Variants in LENG1 observed in about 807,000 individuals in gnomAD.
LENG1 encodes the protein leukocyte receptor cluster (LRC) member 1.
LENG1 carries 35 observed loss-of-function variants against 28.8 expected under a neutral mutation model. That is an observed-to-expected ratio of 1.22 (90% confidence interval 0.93 to 1.61). The LOEUF (loss-of-function observed/expected upper bound fraction) is 1.61, where lower values mean the gene tolerates loss of function less well. LENG1 is among the 40% of genes most tolerant of loss of function. The pLI is 0.00. For missense variants in LENG1, 404 were observed against 348.9 expected, an observed-to-expected ratio of 1.16 and a Z score of -1.26; for synonymous variants, 170 against 140.6, an observed-to-expected ratio of 1.21 and a Z score of -1.48.
At chr19:54,159,529 C>A (rs528732754) in intron 1 of LENG1, 35 bp downstream of exon 1, 2 of 1,504,516 alleles carry the variant, frequency 1.3e-6, no homozygotes, top group Non-Finnish European at 1.8e-6. Context: ...GCGCGCTGGG[C>A]CCCGGAGCGC....
Position 54,158,380 on chromosome 19 carries a change from C to T in LENG1, c.214G>A (p.Gly72Ser), listed in dbSNP as rs775158130. 6.2e-7 allele frequency: 1 copy of T among 1,614,106 alleles called. No individual in the cohort carries two copies. Among genetic ancestry groups the T allele is most frequent in the East Asian group, 2.2e-5 (1 of 44,900 alleles). Residue 72 changes from glycine to serine, a missense_variant, in exon 2 of 4, where the codon GGT becomes AGT. Transcript: ENST00000222224. Reference protein sequence around the residue: ...ELEAAEAGAPGSGPVDLFREL... With the variant: ...ELEAAEAGAPSSGPVDLFREL... ...CGAAACAGGTCCACAGGGCCAGAAC[C>T]TGGGGCTCCCGCCTCTGCTGCTTCA...
Position 54,155,574 on chromosome 19 carries a change from G to T in LENG1, c.*147C>A. The T allele has an allele frequency of 1.0e-6, 1 of 988,006 alleles. No individual in the cohort carries two copies. Among genetic ancestry groups the T allele is most frequent in the Non-Finnish European group, 1.5e-6 (1 of 679,048 alleles). The allele number at this position is 988,006 out of a possible 1,614,324, so 61.2% of individuals were successfully genotyped here. The stretch of plus-strand genomic sequence containing the variant: ...GGTTTTCCTCTCAGCCCCACCCTGG[G>T]GGCCCGGGGGCGAGGGCTGCCCCCT... On this transcript the variant is annotated 3_prime_UTR_variant, in exon 4 of 4. Transcript: ENST00000222224.
chr19:54,158,639 C>T (rs572662755), intron 1 of LENG1, among the ~76,000 whole-genome samples, 178 bp from the exon 2 acceptor site: 3 of 152,292 alleles, frequency 2.0e-5, no homozygotes, highest in Admixed American at 6.5e-5. Flanking sequence ...GATGAGGCAA[C>T]GCCTGGGTTT....
At chr19:54,159,461 C>G in intron 1 of LENG1, 103 bp downstream of exon 1, 1 of 1,255,840 alleles carries the variant, frequency 8.0e-7, no homozygotes, top group African/African-American at 1.5e-5. Context: ...CCGAATTTCA[C>G]ACGGGGCACA....
chr19:54,158,712 G>A (rs1056039796), intron 1 of LENG1, among the ~76,000 whole-genome samples: 107 of 152,268 alleles, frequency 7.0e-4, no homozygotes, highest in African/African-American at 2.5e-3. Flanking sequence ...GAGGTCCCTG[G>A]CCTAAACCAA....
chr19:54,159,050 G>A (rs1469549119), intron 1 of LENG1, among the ~76,000 whole-genome samples: 34 of 152,250 alleles, frequency 2.2e-4, no homozygotes. Flanking sequence ...CTCGCCCGAT[G>A]GCGTGGAGCC....
At chr19:54,156,564 T>A (rs929647672) in intron 3 of LENG1, among the ~76,000 whole-genome samples, 199 bp downstream of exon 3, 5 of 152,144 alleles carry the variant, frequency 3.3e-5, no homozygotes, top group African/African-American at 1.2e-4. Context: ...GAAAATAGGC[T>A]TGACACCACA....
At position 54,155,798 on chromosome 19, in the gene LENG1, G is replaced by A. The variant is rs768943089; in HGVS notation, c.718C>T (p.Arg240Trp). ...QPEEDETDDRRRRYNSQFNPQ... is the reference protein window; with the variant it reads ...QPEEDETDDRWRRYNSQFNPQ... ...TTGAATTGGGAGTTGTACCGCCGCCGCCGGTCATCCGTCTCGTCTTCTTCC... is the reference window on the plus strand; with the variant it reads ...TTGAATTGGGAGTTGTACCGCCGCCACCGGTCATCCGTCTCGTCTTCTTCC... The change falls in exon 4 of 4, where the codon CGG (arginine) becomes TGG (tryptophan). Residue 240 changes from arginine (R) to tryptophan (W), a missense_variant. Coordinates refer to ENST00000222224, the MANE Select transcript of LENG1 (RefSeq NM_024316.3). 2.1e-5 allele frequency: 34 copies of A among 1,611,692 alleles called. No individual in the cohort carries two copies. The highest frequency in any genetic ancestry group is 9.9e-5 in the South Asian group (9 of 90,706).
chr19:54,156,190 C>T (rs923896044), intron 3 of LENG1, among the ~76,000 whole-genome samples: 2 of 152,320 alleles, frequency 1.3e-5, no homozygotes, highest in Admixed American at 1.3e-4. Context: ...CAAGAAAGCA[C>T]ACTTAGCAGC....
Position 54,156,806 on chromosome 19 carries a change from T to A in LENG1, c.532A>T (p.Ser178Cys). The part of the protein sequence containing the change: ...RQHGGDEGSR[S>C]RKEKEGSEKQ... ...TCAGACCCCTCCTTTTCCTTTCTGC[T>A]GCGACTGCCTTCATCACCGCCGTGC... The change falls in exon 3 of 4, where the codon AGC (serine) becomes TGC (cysteine). Residue 178 changes from serine (S) to cysteine (C), a missense_variant. Ser to Cys is a moderately radical substitution (Grantham distance 112). Coordinates refer to ENST00000222224, the MANE Select transcript of LENG1 (RefSeq NM_024316.3). The A allele has an allele frequency of 1.2e-6, 2 of 1,613,358 alleles. No homozygotes were observed. The highest frequency in any genetic ancestry group is 1.7e-6 in the Non-Finnish European group (2 of 1,179,668).
rs771354278 is a variant in LENG1 at position 54,156,889 on chromosome 19, ATCT to A, written c.446_448del (p.Lys149del). The A allele has an allele frequency of 1.0e-5, 15 of 1,452,610 alleles. No homozygotes were observed. Among genetic ancestry groups the A allele is most frequent in the South Asian group, 9.1e-5 (8 of 88,122 alleles). The allele number at this position is 1,452,610 out of a possible 1,614,324, so 90.0% of individuals were successfully genotyped here. A position where few individuals can be genotyped will look rare whatever the true frequency, so the allele number is the denominator to read the frequency against. ...CCGCAGAGGGTCCAGACGGCTCTTGATCTTCTCATCTGGGGCTGGGCCGGGCGG... is the reference window on the plus strand; with the variant it reads ...CCGCAGAGGGTCCAGACGGCTCTTGATCTCATCTGGGGCTGGGCCGGGCGG... On this transcript the variant is annotated inframe_deletion, in exon 3 of 4. Transcript: ENST00000222224.
rs2075357999 is a variant in LENG1, at chr19:54,155,513, A to AT, written c.*207dup. 2.2e-6 allele frequency: 2 copies of AT among 921,036 alleles called. No individual in the cohort carries two copies. Among genetic ancestry groups the AT allele is most frequent in the Non-Finnish European group, 1.6e-6 (1 of 616,696 alleles). The allele number at this position is 921,036 out of a possible 1,614,324, so 57.1% of individuals were successfully genotyped here. ...GGAGGGAGGCCCCAAGCCACGGGGC[A>AT]TCCCCCTCTCCCAGGAAGCAGGGAG... is the stretch of plus-strand genomic sequence containing the variant. On this transcript the variant is annotated 3_prime_UTR_variant, in exon 4 of 4. Coordinates refer to ENST00000222224, the MANE Select transcript of LENG1 (RefSeq NM_024316.3).
Position 54,156,749 on chromosome 19 carries a change from T to TG in LENG1, c.575+13dup, listed in dbSNP as rs751619309. 6.9e-6 allele frequency: 11 copies of TG among 1,601,364 alleles called. No homozygotes were observed. In the East Asian group the frequency reaches 1.1e-4, roughly 16 times the overall value. On this transcript the variant is annotated intron_variant, in intron 3 of 3. Coordinates refer to ENST00000222224, the MANE Select transcript of LENG1 (RefSeq NM_024316.3). Reference sequence around the variant, plus strand: ...AGGTCTGGGCCCTGGTCTGCCGAGGTGGGGTCTTCTTACTCCTTGGGTCGC... The same window carrying TG: ...AGGTCTGGGCCCTGGTCTGCCGAGGTGGGGGTCTTCTTACTCCTTGGGTCGC...
chr19:54,157,087 CCT>C, intron 2 of LENG1, 62 bp from the exon 3 acceptor site: 1 of 1,346,282 alleles, frequency 7.4e-7, no homozygotes, highest in South Asian at 1.6e-5. Context: ...GGTGTGTCTC[CCT>C]GACACAGGTA....
In LENG1 at chr19:54,159,712, A is replaced by G; in HGVS notation, c.-17T>C. 2 of 1,566,362 alleles carry G rather than the reference A, an allele frequency of 1.3e-6. No individual in the cohort carries two copies. The highest frequency in any genetic ancestry group is 1.7e-6 in the Non-Finnish European group (2 of 1,157,336). On this transcript the variant is annotated 5_prime_UTR_variant, in exon 1 of 4. Coordinates refer to ENST00000222224, the MANE Select transcript of LENG1 (RefSeq NM_024316.3). ...GATATTCATGGCGTCGTAGCTGTCC[A>G]GGGACTGGCACGCCCGCCTCTTTGC...
Position 54,155,947 on chromosome 19 carries a change from G to A in LENG1, c.576-7C>T, listed in dbSNP as rs1426361630. 1 of 1,600,798 alleles carries A rather than the reference G, an allele frequency of 6.2e-7. No individual in the cohort carries two copies. Among genetic ancestry groups the A allele is most frequent in the East Asian group, 2.2e-5 (1 of 44,588 alleles). On this transcript the variant is annotated splice_polypyrimidine_tract_variant and splice_region_variant and intron_variant, in intron 3 of 3. Coordinates refer to ENST00000222224, the MANE Select transcript of LENG1 (RefSeq NM_024316.3). The stretch of plus-strand genomic sequence containing the variant: ...CTGGTCCAGGGATGGAGGCCTGTGG[G>A]GAGAGGAGTGAGGTCAGAAAGCTGG...
At chr19:54,157,296 A>G (rs1207561495) in intron 2 of LENG1, among the ~76,000 whole-genome samples, 1 of 152,200 alleles carries the variant, frequency 6.6e-6, no homozygotes, top group East Asian at 1.9e-4. Flanking sequence ...AGAAGCCTGA[A>G]GGGATCAAGC....
Position 54,155,801 on chromosome 19 carries a change from G to T in LENG1, c.715C>A (p.Arg239=), listed in dbSNP as rs773775602. ...AATTGGGAGTTGTACCGCCGCCGCCGGTCATCCGTCTCGTCTTCTTCCGGC... is the reference window on the plus strand; with the variant it reads ...AATTGGGAGTTGTACCGCCGCCGCCTGTCATCCGTCTCGTCTTCTTCCGGC... ...GQPEEDETDD[R]RRRYNSQFNP... The change falls in exon 4 of 4, where the codon CGG becomes AGG. Residue 239 remains arginine, a synonymous_variant. Transcript: ENST00000222224. The T allele has an allele frequency of 5.0e-6, 8 of 1,611,776 alleles. No individual in the cohort carries two copies. Among genetic ancestry groups the T allele is most frequent in the Non-Finnish European group, 6.8e-6 (8 of 1,179,698 alleles).
In LENG1 at chr19:54,155,936, G is replaced by A. The variant is rs2075375647; in HGVS notation, c.580C>T (p.Pro194Ser). 6.2e-7 allele frequency: 1 copy of A among 1,606,744 alleles called. No homozygotes were observed. The highest frequency in any genetic ancestry group is 1.3e-5 in the African/African-American group (1 of 74,870). The change falls in exon 4 of 4, where the codon CCA becomes TCA. Residue 194 changes from proline to serine, a missense_variant. Physicochemically the swap from Pro to Ser is moderately conservative, Grantham distance 74. Transcript: ENST00000222224. ...GSEKQRPKEPPSLDQLRAERL... is the reference protein window; with the variant it reads ...GSEKQRPKEPSSLDQLRAERL... ...TCAGCTCGAAGCTGGTCCAGGGATGGAGGCCTGTGGGGAGAGGAGTGAGGT... is the reference window on the plus strand; with the variant it reads ...TCAGCTCGAAGCTGGTCCAGGGATGAAGGCCTGTGGGGAGAGGAGTGAGGT...
Sources: allele counts gnomAD v4.1 joint callset (sites outside exome capture counted in the v4.1 genomes callset), GRCh38; gene constraint gnomAD v4.1.1; transcripts MANE v1.5; gene names NCBI Gene and HGNC (gene_info 2026-07-23, HGNC 2026-07-21).